The following MOB2 variants were observed in gnomAD, a reference collection of about 807,000 sequenced individuals.
MOB2 encodes MOB2 Mps One Binder homolog.
In MOB2, 14 loss-of-function variants were observed where a neutral mutation model predicts 27.4. The ratio of observed to expected loss-of-function variants is 0.51; its 90% confidence interval spans 0.34 to 0.80. The LOEUF (loss-of-function observed/expected upper bound fraction) is 0.80. Among genes scored for constraint, MOB2 ranks in the 30% least tolerant of loss-of-function variants. MOB2 has a pLI of 0.01. For synonymous variants in MOB2, 167 were observed against 151.8 expected (o/e 1.10, Z -0.74); for missense variants, 304 against 354.6 (o/e 0.86, Z 1.15).
In MOB2 at chr11:1,470,233, C is replaced by CCCCCACTGTGGA; in HGVS notation, c.734_745dup (p.Val245_Gly248dup). 6.2e-7 allele frequency: 1 copy of CCCCCACTGTGGA among 1,612,440 alleles called. No individual in the cohort carries two copies. Among genetic ancestry groups the CCCCCACTGTGGA allele is most frequent in the Non-Finnish European group, 8.5e-7 (1 of 1,179,824 alleles). On this transcript the variant is annotated inframe_insertion, in exon 5 of 5. Coordinates refer to ENST00000329957, the MANE Select transcript of MOB2 (RefSeq NM_001172223.3). ...CCCGCTGCCGGCCCCATCCCCACTG[C>CCCCCACTGTGGA]CCCCACTGTGGACCCCGCCGGCCCC...
intron 3 of MOB2, among the ~76,000 whole-genome samples, chr11:1,479,535 A>G (rs1564910394): frequency 6.6e-6 from 1 of 152,214 alleles, no homozygotes; most frequent in Non-Finnish European, 1.5e-5. Flanking sequence ...GGCAGGGCCC[A>G]GCAGGACTGA....
At chr11:1,478,371 T>C (rs2133363738) in intron 3 of MOB2, among the ~76,000 whole-genome samples, 1 of 152,394 alleles carries the variant, frequency 6.6e-6, no homozygotes, top group Admixed American at 6.5e-5. Flanking sequence ...AGGGAGCCTC[T>C]GGAACAGGTC....
chr11:1,481,010 C>G (rs1847907255), intron 1 of MOB2, 125 bp from the exon 2 acceptor site: 1 of 1,205,668 alleles, frequency 8.3e-7, no homozygotes, highest in Admixed American at 2.3e-5. Flanking sequence ...GCGACACTGC[C>G]TCCCTGCCAG....
At position 1,471,502 on chromosome 11, in the gene MOB2, C is replaced by T. The variant is rs1001860678; in HGVS notation, c.366-83G>A. On this transcript the variant is annotated intron_variant, in intron 3 of 4. Coordinates refer to ENST00000329957, the MANE Select transcript of MOB2 (RefSeq NM_001172223.3). ...GGGTCCCACCCGCTCAGGTCATCTG[C>T]GGGCAGAGGTGGCGCCAGCAGCGGA... is the stretch of plus-strand genomic sequence containing the variant. 3.3e-5 allele frequency: 50 copies of T among 1,525,936 alleles called. No individual in the cohort carries two copies. The East Asian group carries it at 3.9e-4, about 12-fold the overall frequency. The allele number at this position is 1,525,936 out of a possible 1,614,324, so 94.5% of individuals were successfully genotyped here.
chr11:1,480,414 TG>T lies in MOB2; in HGVS notation c.343del (p.Gln115ArgfsTer32). Reference sequence around the variant, plus strand: ...TCACGTGTTGCACACGGCCATCGTCTGACACGTCTCTCCTGTGCAGAACTCG... The same window carrying T: ...TCACGTGTTGCACACGGCCATCGTCTACACGTCTCTCCTGTGCAGAACTCG... ...ISEFCTGETC[Q>X]TMAVCNTQYY... On this transcript the variant is annotated frameshift_variant, in exon 3 of 5. Transcript: ENST00000329957. LOFTEE classifies it high-confidence loss of function. 6.2e-7 allele frequency: 1 copy of T among 1,613,754 alleles called. No individual in the cohort carries two copies. The highest frequency in any genetic ancestry group is 8.5e-7 in the Non-Finnish European group (1 of 1,179,850).
chr11:1,469,650 GGCAC>G lies in MOB2; in HGVS notation c.*518_*521del, dbSNP rs757239896. 1 of 457,078 alleles carries G rather than the reference GGCAC, an allele frequency of 2.2e-6. No individual in the cohort carries two copies. Among genetic ancestry groups the G allele is most frequent in the Non-Finnish European group, 4.4e-6 (1 of 227,308 alleles). The allele number at this position is 457,078 out of a possible 1,614,324, so 28.3% of individuals were successfully genotyped here. A position where few individuals can be genotyped will look rare whatever the true frequency, so the allele number is the denominator to read the frequency against. On this transcript the variant is annotated 3_prime_UTR_variant, in exon 5 of 5. Transcript: ENST00000329957. ...GTGACAGGAGCAGGAGCAGGTGCAG[GGCAC>G]CTCACACCACAGGCCTCCCCCACCT...
At position 1,486,632 on chromosome 11, in the gene MOB2, C is replaced by T. The variant is rs921427727; in HGVS notation, c.-76G>A. The T allele has an allele frequency of 5.5e-5, 55 of 1,002,566 alleles. No individual in the cohort carries two copies. The highest frequency in any genetic ancestry group is 4.4e-5 in the South Asian group (3 of 68,576). 62.1% of individuals were successfully genotyped at this position (1,002,566 alleles called of 1,614,324 possible). A position where few individuals can be genotyped will look rare whatever the true frequency, so the allele number is the denominator to read the frequency against. The stretch of plus-strand genomic sequence containing the variant: ...GCCAGCACTCGCAAATGCCTGCTGC[C>T]GGGCCCTCCAGCCTCACTCCCTGGC... On this transcript the variant is annotated 5_prime_UTR_variant, in exon 1 of 5. Transcript: ENST00000329957.
chr11:1,486,617 G>C lies in MOB2; in HGVS notation c.-61C>G, dbSNP rs914264273. The C allele has an allele frequency of 8.8e-7, 1 of 1,136,130 alleles. No individual in the cohort carries two copies. The highest frequency in any genetic ancestry group is 1.5e-5 in the African/African-American group (1 of 65,374). 70.4% of individuals were successfully genotyped at this position (1,136,130 alleles called of 1,614,324 possible). A position where few individuals can be genotyped will look rare whatever the true frequency, so the allele number is the denominator to read the frequency against. On this transcript the variant is annotated 5_prime_UTR_variant, in exon 1 of 5. Transcript: ENST00000329957. Reference sequence around the variant, plus strand: ...GCGGGGTGCCGGCTGGCCAGCACTCGCAAATGCCTGCTGCCGGGCCCTCCA... The same window carrying C: ...GCGGGGTGCCGGCTGGCCAGCACTCCCAAATGCCTGCTGCCGGGCCCTCCA...
intron 4 of MOB2, 46 bp from the exon 5 acceptor site, chr11:1,470,534 C>G: frequency 6.4e-7 from 1 of 1,569,500 alleles, no homozygotes; most frequent in Non-Finnish European, 8.6e-7. Context: ...CCCTTGGCCC[C>G]AACAGAGGCC....
intron 3 of MOB2, among the ~76,000 whole-genome samples, chr11:1,475,830 G>A (rs1057262216): frequency 1.3e-5 from 2 of 152,228 alleles, no homozygotes; most frequent in African/African-American, 2.4e-5. Flanking sequence ...TCATAAAGAA[G>A]AGATTTGTTC....
At chr11:1,474,950 A>C (rs1021107891) in intron 3 of MOB2, among the ~76,000 whole-genome samples, 1 of 152,238 alleles carries the variant, frequency 6.6e-6, no homozygotes, top group Non-Finnish European at 1.5e-5. Flanking sequence ...TTTAGAACTA[A>C]CTGGTCTATA....
intron 3 of MOB2, among the ~76,000 whole-genome samples, chr11:1,475,084 C>G (rs933013371): frequency 2.0e-5 from 3 of 152,144 alleles, no homozygotes; most frequent in African/African-American, 7.2e-5. Flanking sequence ...TTATGTAGAC[C>G]TTCGATTTTC....
chr11:1,480,720 C>T lies in MOB2; in HGVS notation c.271+5G>A, dbSNP rs1283042209. On this transcript the variant is annotated splice_donor_5th_base_variant and intron_variant, in intron 2 of 4. Transcript: ENST00000329957. ...GAGGGGGCCCGCCCCCAGGCCCCCGCGCACTGTTGCTGGCCAGCCACTCGT... is the reference window on the plus strand; with the variant it reads ...GAGGGGGCCCGCCCCCAGGCCCCCGTGCACTGTTGCTGGCCAGCCACTCGT... 1.2e-6 allele frequency: 2 copies of T among 1,601,434 alleles called. No homozygotes were observed. Among genetic ancestry groups the T allele is most frequent in the Non-Finnish European group, 1.7e-6 (2 of 1,174,972 alleles).
chr11:1,474,355 A>G (rs1247667876), intron 3 of MOB2, among the ~76,000 whole-genome samples: 1 of 152,192 alleles, frequency 6.6e-6, no homozygotes, highest in Middle Eastern at 3.2e-3. Context: ...TTTCTCTCCC[A>G]GCCTGGAGTT....
In MOB2 at chr11:1,470,158, C is replaced by T; in HGVS notation, c.*14G>A. ...TCTCTTTGCACACGTGTGCCCCTGT[C>T]CGGCCCGGGGGGCTCATCTCTCCTT... On this transcript the variant is annotated 3_prime_UTR_variant, in exon 5 of 5. Transcript: ENST00000329957. 6.3e-7 allele frequency: 1 copy of T among 1,579,342 alleles called. No homozygotes were observed. The highest frequency in any genetic ancestry group is 8.6e-7 in the Non-Finnish European group (1 of 1,163,352).
chr11:1,483,158 A>G (rs1161968649), intron 1 of MOB2, among the ~76,000 whole-genome samples: 1 of 152,146 alleles, frequency 6.6e-6, no homozygotes, highest in Non-Finnish European at 1.5e-5. Flanking sequence ...AGGTCTGCCC[A>G]GTCACTGCCT....
Position 1,471,429 on chromosome 11 carries a change from C to G in MOB2, c.366-10G>C, listed in dbSNP as rs1377213626. 1 of 1,607,742 alleles carries G rather than the reference C, an allele frequency of 6.2e-7. No individual in the cohort carries two copies. The highest frequency in any genetic ancestry group is 8.5e-7 in the Non-Finnish European group (1 of 1,176,408). On this transcript the variant is annotated splice_polypyrimidine_tract_variant and intron_variant, in intron 3 of 4. Transcript: ENST00000329957. ...ATACCAGTAGTACTGTCTGTGGAGA[C>G]AGAGACACGGTCAGGGCATGCGCCC...
chr11:1,471,676 T>C, intron 3 of MOB2: 1 of 457,470 alleles, frequency 2.2e-6, no homozygotes, highest in South Asian at 3.8e-5. Context: ...GCCAGCCACA[T>C]GGCTGTACAG....
At chr11:1,481,325 C>T (rs986314588) in intron 1 of MOB2, 7 of 255,814 alleles carry the variant, frequency 2.7e-5, no homozygotes, top group East Asian at 1.2e-4. Flanking sequence ...CTGGTGGCCC[C>T]GGTGAAAACA....
Sources: gnomAD v4.1 joint callset for allele counts (sites outside exome capture counted in the v4.1 genomes callset) on GRCh38, gnomAD v4.1.1 for gene constraint, MANE v1.5 for transcripts, NCBI Gene and HGNC (gene_info 2026-07-23, HGNC 2026-07-21) for gene names.